CNTNAP2: variants seen among roughly 807,000 people sequenced by gnomAD.
CNTNAP2 encodes the protein contactin-associated protein-like 2.
Under a neutral mutation model 155.2 loss-of-function variants are expected in CNTNAP2, and 98 were observed. That is an observed-to-expected ratio of 0.63 (90% CI 0.54 to 0.75). The LOEUF (loss-of-function observed/expected upper bound fraction) is 0.75. Among genes scored for constraint, CNTNAP2 ranks in the 30% least tolerant of loss-of-function variants. The pLI is 0.00. For synonymous variants in CNTNAP2, 651 were observed against 631.2 expected (o/e 1.03, Z -0.47); for missense variants, 1,727 against 1,688.1 (o/e 1.02, Z -0.40).
chr7:146,700,552 A>C (rs1585048135), intron 1 of CNTNAP2, among the ~76,000 whole-genome samples: 1 of 152,252 alleles, frequency 6.6e-6, no homozygotes, highest in African/African-American at 2.4e-5. Context: ...TATAAAAACT[A>C]CCTGTGACAA....
intron 13 of CNTNAP2, among the ~76,000 whole-genome samples, chr7:147,712,240 G>A (rs973333612): frequency 6.6e-6 from 1 of 152,108 alleles, no homozygotes; most frequent in African/African-American, 2.4e-5. Flanking sequence ...AAAAAGTCAG[G>A]AAACAACAGG....
At chr7:148,327,501 G>T (rs1360449291) in intron 21 of CNTNAP2, among the ~76,000 whole-genome samples, 1 of 151,950 alleles carries the variant, frequency 6.6e-6, no homozygotes, top group African/African-American at 2.4e-5. Context: ...ACCTTGTTTT[G>T]TAAAAACCCT....
chr7:146,320,751 C>G (rs1012811949), intron 1 of CNTNAP2, among the ~76,000 whole-genome samples: 22 of 151,906 alleles, frequency 1.4e-4, no homozygotes, highest in African/African-American at 5.3e-4. Flanking sequence ...ACAATTCAAT[C>G]AAGTTTCTTT....
intron 18 of CNTNAP2, among the ~76,000 whole-genome samples, chr7:148,194,990 T>C (rs1370503556): frequency 1.3e-5 from 2 of 152,160 alleles, no homozygotes; most frequent in South Asian, 2.1e-4. Flanking sequence ...ACAGAAGCCA[T>C]GTCTCATATA....
rs532052857 is a variant in CNTNAP2 at position 146,446,718 on chromosome 7, A to G, written c.98-327553A>G. ...TATTTAGCATTGCACAGAACACTTG[A>G]GCAACTCTTGAAGATCCTTATTTAG... On this transcript the variant is annotated intron_variant, in intron 1 of 23. Coordinates refer to ENST00000361727, the MANE Select transcript of CNTNAP2 (RefSeq NM_014141.6). Among the ~76,000 whole-genome samples, 6 of 152,238 alleles carry G rather than the reference A, an allele frequency of 3.9e-5. No individual in the cohort carries two copies. In the South Asian group the frequency reaches 1.2e-3, roughly 31 times the overall value.
At chr7:147,878,506 T>A (rs371747256) in intron 13 of CNTNAP2, among the ~76,000 whole-genome samples, 3 of 152,116 alleles carry the variant, frequency 2.0e-5, no homozygotes, top group South Asian at 4.1e-4. Flanking sequence ...ATATCAAAAA[T>A]TTTTAGCAAT....
intron 13 of CNTNAP2, among the ~76,000 whole-genome samples, chr7:147,754,814 GA>G (rs969574297): frequency 2.0e-5 from 3 of 151,680 alleles, no homozygotes; most frequent in Middle Eastern, 3.4e-3. Context: ...AGGAATAAAT[GA>G]AAAAAAATGG....
chr7:147,521,650 G>A (rs1428822082), intron 11 of CNTNAP2, among the ~76,000 whole-genome samples: 3 of 152,102 alleles, frequency 2.0e-5, no homozygotes, highest in Non-Finnish European at 4.4e-5. Context: ...CAAAATAGAC[G>A]AGTCATTCTC....
intron 1 of CNTNAP2, among the ~76,000 whole-genome samples, chr7:146,127,615 C>T (rs953323255): frequency 6.6e-6 from 1 of 152,196 alleles, no homozygotes; most frequent in African/African-American, 2.4e-5. Flanking sequence ...AAGATTTTCT[C>T]TGCTTTTCTT....
intron 8 of CNTNAP2, among the ~76,000 whole-genome samples, chr7:147,211,466 C>T (rs1459310650): frequency 1.3e-5 from 2 of 151,862 alleles, no homozygotes; most frequent in Non-Finnish European, 1.5e-5. Flanking sequence ...CAAAAACAGG[C>T]ACATAGACCA....
intron 15 of CNTNAP2, among the ~76,000 whole-genome samples, chr7:148,025,042 G>T (rs553453092): frequency 6.6e-6 from 1 of 152,162 alleles, no homozygotes; most frequent in Non-Finnish European, 1.5e-5. Context: ...ACCCCTCCTT[G>T]CTTAGGGACT....
At chr7:147,658,235 A>C (rs6979639) in intron 13 of CNTNAP2, among the ~76,000 whole-genome samples, 31,161 of 111,272 alleles carry the variant, frequency 0.28, 8,476 homozygotes, top group African/African-American at 0.66. Context: ...CCAGCCTGGG[A>C]GACAGAGCGA....
intron 1 of CNTNAP2, among the ~76,000 whole-genome samples, chr7:146,395,766 CT>C (rs1388169293): frequency 1.1e-5 from 1 of 89,458 alleles, no homozygotes; most frequent in Non-Finnish European, 2.2e-5. Flanking sequence ...AAATGATGAT[CT>C]AGATAGACAG....
chr7:147,351,128 T>C (rs1435602564), intron 9 of CNTNAP2, among the ~76,000 whole-genome samples: 2 of 151,848 alleles, frequency 1.3e-5, no homozygotes, highest in Non-Finnish European at 2.9e-5. Flanking sequence ...CTTTGCAGTG[T>C]TTTAAAATGT....
chr7:146,622,857 T>G (rs544359799), intron 1 of CNTNAP2, among the ~76,000 whole-genome samples: 5 of 151,152 alleles, frequency 3.3e-5, no homozygotes, highest in African/African-American at 1.2e-4. Context: ...CTCAGGAGGC[T>G]GAGACAGGAG....
At chr7:147,711,851 T>C (rs1327209629) in intron 13 of CNTNAP2, among the ~76,000 whole-genome samples, 1 of 152,218 alleles carries the variant, frequency 6.6e-6, no homozygotes, top group Non-Finnish European at 1.5e-5. Context: ...CTTCTTTCCC[T>C]GTATGCTGGG....
intron 1 of CNTNAP2, among the ~76,000 whole-genome samples, chr7:146,155,716 C>T (rs1439426001): frequency 8.6e-5 from 12 of 140,112 alleles, no homozygotes; most frequent in Admixed American, 7.8e-4. Context: ...TATTATTATT[C>T]GAAATGGAGT....
intron 1 of CNTNAP2, among the ~76,000 whole-genome samples, chr7:146,405,341 C>G (rs1795775607): frequency 6.6e-6 from 1 of 152,154 alleles, no homozygotes; most frequent in Non-Finnish European, 1.5e-5. Context: ...ACTGTAAGTT[C>G]CATAAGGGCT....
At chr7:147,356,730 T>A (rs1364103640) in intron 9 of CNTNAP2, among the ~76,000 whole-genome samples, 1 of 152,094 alleles carries the variant, frequency 6.6e-6, no homozygotes, top group African/African-American at 2.4e-5. Context: ...ACTGTAAAAT[T>A]TGTACATAAG....
Sources: allele counts gnomAD v4.1 joint callset (sites outside exome capture counted in the v4.1 genomes callset), GRCh38; gene constraint gnomAD v4.1.1; transcripts MANE v1.5; gene names NCBI Gene and HGNC (gene_info 2026-07-23, HGNC 2026-07-21).